The following ADGRL2 variants were observed in gnomAD, a reference collection of about 807,000 sequenced individuals.
The protein encoded by ADGRL2 is adhesion G protein-coupled receptor L2.
A neutral mutation model predicts 157.4 loss-of-function variants in ADGRL2; 44 were observed. The observed-to-expected ratio is 0.28, with a 90% confidence interval of 0.22 to 0.36. The LOEUF is 0.36. Ranked by LOEUF, ADGRL2 falls within the 10% of genes least tolerant of loss-of-function variation. The pLI, the probability that ADGRL2 is intolerant of heterozygous loss-of-function variation, is 1.00. For synonymous variants in ADGRL2, 585 were observed against 624.7 expected, an observed-to-expected ratio of 0.94 and a Z score of 0.95; for missense variants, 1,510 against 1,768.9, an observed-to-expected ratio of 0.85 and a Z score of 2.63.
chr1:81,990,315 G>A, intron 23 of ADGRL2, 76 bp from the exon 24 acceptor site: 1 of 1,534,126 alleles, frequency 6.5e-7, no homozygotes, highest in Non-Finnish European at 8.7e-7. Flanking sequence ...ACATTAAAAA[G>A]TTTTGTACAA....
At chr1:81,964,074 A>G (rs1656325532) in intron 11 of ADGRL2, among the ~76,000 whole-genome samples, 1 of 151,906 alleles carries the variant, frequency 6.6e-6, no homozygotes, top group Non-Finnish European at 1.5e-5. Flanking sequence ...TATCTTAAGT[A>G]GCTTGAAATA....
chr1:81,714,929 A>C (rs966473240), intron 1 of ADGRL2, among the ~76,000 whole-genome samples: 3 of 151,946 alleles, frequency 2.0e-5, no homozygotes, highest in Non-Finnish European at 4.4e-5. Flanking sequence ...CTTTCCAGTA[A>C]AAGAAGAATA....
intron 2 of ADGRL2, among the ~76,000 whole-genome samples, chr1:81,843,767 T>G (rs2092687539): frequency 6.6e-6 from 1 of 152,226 alleles, no homozygotes; most frequent in South Asian, 2.1e-4. Flanking sequence ...TGAATTATAC[T>G]TTGGTCATCT....
At chr1:81,482,611 G>T (rs555333761) in intron 2 of ADGRL2, among the ~76,000 whole-genome samples, 1 of 151,888 alleles carries the variant, frequency 6.6e-6, no homozygotes, top group East Asian at 1.9e-4. Context: ...CGTTTCCATC[G>T]CTATCAGTGT....
chr1:81,567,079 A>G (rs541215583), intron 2 of ADGRL2, among the ~76,000 whole-genome samples: 1 of 152,218 alleles, frequency 6.6e-6, no homozygotes, highest in South Asian at 2.1e-4. Context: ...AATAACATAA[A>G]GATTCATCTT....
At chr1:81,846,292 T>C (rs2092784828) in intron 2 of ADGRL2, among the ~76,000 whole-genome samples, 1 of 150,206 alleles carries the variant, frequency 6.7e-6, no homozygotes, top group South Asian at 2.1e-4. Context: ...AATCCAGTAA[T>C]ATATCAGTGT....
intron 1 of ADGRL2, among the ~76,000 whole-genome samples, chr1:81,332,448 G>T (rs923859275): frequency 6.6e-6 from 1 of 152,114 alleles, no homozygotes; most frequent in Admixed American, 6.6e-5. Flanking sequence ...TGCCAATCAA[G>T]TTGTGTAAGT....
chr1:81,592,546 CT>C (rs1360961464), intron 3 of ADGRL2, among the ~76,000 whole-genome samples: 3 of 152,140 alleles, frequency 2.0e-5, no homozygotes, highest in Admixed American at 6.5e-5. Flanking sequence ...TCTTAGGACC[CT>C]TCTAGTGTCA....
chr1:81,355,936 A>G (rs1229723049), intron 1 of ADGRL2, among the ~76,000 whole-genome samples: 2 of 152,198 alleles, frequency 1.3e-5, no homozygotes, highest in African/African-American at 2.4e-5. Flanking sequence ...ATTAAGAAAA[A>G]AATGTGTTCT....
At chr1:81,849,593 G>A (rs2092925441) in intron 2 of ADGRL2, among the ~76,000 whole-genome samples, 1 of 151,826 alleles carries the variant, frequency 6.6e-6, no homozygotes, top group East Asian at 1.9e-4. Flanking sequence ...TTCTGGCAAG[G>A]TCCAAACAAA....
intron 1 of ADGRL2, among the ~76,000 whole-genome samples, chr1:81,761,586 T>C (rs1300004242): frequency 6.6e-6 from 1 of 152,020 alleles, no homozygotes; most frequent in Non-Finnish European, 1.5e-5. Flanking sequence ...GAAAACAAAA[T>C]AGTTTATTCC....
intron 2 of ADGRL2, among the ~76,000 whole-genome samples, chr1:81,489,502 T>C (rs11163312): frequency 0.15 from 22,238 of 152,028 alleles, 3,008 homozygotes; most frequent in African/African-American, 0.36. Flanking sequence ...ATACACACTG[T>C]GGAAGTCCCA....
rs1169587245 is a variant in ADGRL2 at position 81,316,130 on chromosome 1, C to CA, written c.-302+9633dup. Among the ~76,000 whole-genome samples the CA allele has an allele frequency of 5.1e-3, 553 of 107,814 alleles. 4 individuals carry two copies. The highest frequency in any genetic ancestry group is 0.018 in the African/African-American group (464 of 25,864). The allele number at this position is 107,814 out of a possible 152,430, so 70.7% of individuals were successfully genotyped here. On this transcript the variant is annotated intron_variant, in intron 1 of 24. Transcript: ENST00000370721. ...AGCATAGGATCATCTACCAAAAAAA[C>CA]AAAAAAAAAAAAGAAAAAAGAAGAA...
intron 2 of ADGRL2, among the ~76,000 whole-genome samples, chr1:81,508,150 A>G (rs565482506): frequency 2.9e-4 from 44 of 152,368 alleles, no homozygotes; most frequent in African/African-American, 1.0e-3. Flanking sequence ...CACTGAAATA[A>G]CACAATTCAT....
chr1:81,389,107 A>G (rs182811093), intron 1 of ADGRL2, among the ~76,000 whole-genome samples: 80 of 152,250 alleles, frequency 5.3e-4, no homozygotes, highest in Admixed American at 1.4e-3. Flanking sequence ...AGACTTTACT[A>G]TATTGTCATC....
chr1:81,910,939 T>TA lies in ADGRL2; in HGVS notation c.287+3710dup, dbSNP rs566073344. Among the ~76,000 whole-genome samples the TA allele has an allele frequency of 1.5e-3, 221 of 152,052 alleles. 1 individual carries two copies. Among genetic ancestry groups the TA allele is most frequent in the Non-Finnish European group, 1.8e-3 (123 of 67,956 alleles). On this transcript the variant is annotated intron_variant, in intron 3 of 23. Coordinates refer to ENST00000686636, the MANE Select transcript of ADGRL2 (RefSeq NM_001366006.2). ...GAAAGCCCCCCTTCCTTTTTTTTTT[T>TA]ACATGTGATGATAGAGATGGGCATA...
intron 1 of ADGRL2, among the ~76,000 whole-genome samples, chr1:81,834,691 A>T (rs139030123): frequency 6.6e-6 from 1 of 152,248 alleles, no homozygotes; most frequent in East Asian, 1.9e-4. Context: ...GATAAAAATA[A>T]ATTTGACTTT....
intron 1 of ADGRL2, among the ~76,000 whole-genome samples, chr1:81,391,526 G>A (rs949820991): frequency 7.2e-5 from 11 of 152,272 alleles, no homozygotes; most frequent in Admixed American, 2.6e-4. Context: ...CCTATCTGTG[G>A]CTCACATATT....
rs1664557978 is a variant in ADGRL2, at chr1:81,991,264, T to C, written c.*119T>C. On this transcript the variant is annotated 3_prime_UTR_variant, in exon 24 of 24. Transcript: ENST00000686636. ...AGATGACTCTTGACCTGTGGTTCTC[T>C]GGTGTAAAAAAGATGACTGAACCTT... 1.1e-6 allele frequency: 1 copy of C among 946,828 alleles called. No individual in the cohort carries two copies. Among genetic ancestry groups the C allele is most frequent in the Non-Finnish European group, 1.6e-6 (1 of 640,142 alleles). The allele number at this position is 946,828 out of a possible 1,614,324, so 58.7% of individuals were successfully genotyped here. A position where few individuals can be genotyped will look rare whatever the true frequency, so the allele number is the denominator to read the frequency against.
Sources: allele counts gnomAD v4.1 joint callset (sites outside exome capture counted in the v4.1 genomes callset), GRCh38; gene constraint gnomAD v4.1.1; transcripts MANE v1.5; gene names NCBI Gene and HGNC (gene_info 2026-07-23, HGNC 2026-07-21).